Variants in LRRFIP1 observed in about 807,000 individuals in gnomAD.
The protein encoded by LRRFIP1 is leucine-rich repeat flightless-interacting protein 1.
LRRFIP1 carries 62 observed loss-of-function variants against 104.4 expected under a neutral mutation model. That is an observed-to-expected ratio of 0.59 (90% CI 0.48 to 0.73). The LOEUF is 0.73. LRRFIP1 is among the 30% of genes least tolerant of loss of function. The probability of loss-of-function intolerance (pLI) is 0.00; values close to 1 mark genes in which losing one functional copy is unlikely to be tolerated. For synonymous variants in LRRFIP1, 300 were observed against 299.0 expected, an observed-to-expected ratio of 1.00 and a Z score of -0.03; for missense variants, 796 against 824.5, an observed-to-expected ratio of 0.97 and a Z score of 0.42.
rs745930662 is a variant in LRRFIP1, at chr2:237,735,326, C to T, written c.548C>T (p.Ser183Phe). 2.5e-6 allele frequency: 4 copies of T among 1,613,226 alleles called. No individual in the cohort carries two copies. Among genetic ancestry groups the T allele is most frequent in the African/African-American group, 1.3e-5 (1 of 75,050 alleles). ...ACCCGACGGGGCAGCACCTCCGGCT[C>T]CCGTGCTGTAAGGCGCTTTCGGTGA... The part of the protein sequence containing the change: ...GGTRRGSTSG[S>F]RAPSEYSGHL... Residue 183 changes from serine to phenylalanine, a missense_variant, in exon 10 of 24, where the codon TCC (serine) becomes TTC (phenylalanine). Physicochemically the swap from Ser to Phe is radical, Grantham distance 155. Coordinates refer to ENST00000308482, the MANE Select transcript of LRRFIP1 (RefSeq NM_001137550.2). The surrounding 1 kb of genome is among the most constrained non-coding windows in gnomAD (Gnocchi z 4.6).
chr2:237,699,526 A>AT (rs902174819), intron 1 of LRRFIP1, among the ~76,000 whole-genome samples: 6 of 151,758 alleles, frequency 4.0e-5, no homozygotes, highest in African/African-American at 1.2e-4. Context: ...CTAATTTTGT[A>AT]TTTTTAGTAG....
At chr2:237,653,901 G>C (rs529832560) in intron 1 of LRRFIP1, among the ~76,000 whole-genome samples, 106 of 152,270 alleles carry the variant, frequency 7.0e-4, no homozygotes, top group African/African-American at 2.4e-3. Flanking sequence ...TATAAAACTA[G>C]TAGGAGAAAA....
intron 1 of LRRFIP1, among the ~76,000 whole-genome samples, chr2:237,657,206 A>G (rs1002939668): frequency 6.6e-6 from 1 of 152,254 alleles, no homozygotes; most frequent in African/African-American, 2.4e-5. Flanking sequence ...GAAGACAGAA[A>G]TGGGAAACAG....
intron 1 of LRRFIP1, among the ~76,000 whole-genome samples, chr2:237,702,634 T>G (rs1160895736): frequency 6.6e-6 from 1 of 152,222 alleles, no homozygotes; most frequent in African/African-American, 2.4e-5. Flanking sequence ...GTTTTGGTTT[T>G]GGGGCTCTTC....
At chr2:237,771,406 G>A (rs936622786) in intron 20 of LRRFIP1, among the ~76,000 whole-genome samples, 1 of 152,050 alleles carries the variant, frequency 6.6e-6, no homozygotes, top group Non-Finnish European at 1.5e-5. Flanking sequence ...AATGAAGTGA[G>A]TTGTAGGCGT....
chr2:237,728,002 A>G, intron 8 of LRRFIP1, 67 bp downstream of exon 8: 1 of 1,129,036 alleles, frequency 8.9e-7, no homozygotes, highest in Non-Finnish European at 1.3e-6. Flanking sequence ...AGAACTAAAA[A>G]CTAATTGCTA....
chr2:237,682,506 T>A (rs1262779255), intron 1 of LRRFIP1, among the ~76,000 whole-genome samples: 1 of 152,228 alleles, frequency 6.6e-6, no homozygotes. Flanking sequence ...ATTCTCTGTG[T>A]AGGGGTGCAG....
At position 237,723,572 on chromosome 2, in the gene LRRFIP1, G is replaced by T; in HGVS notation, c.370G>T (p.Gly124Cys). 6.2e-7 allele frequency: 1 copy of T among 1,613,874 alleles called. No individual in the cohort carries two copies. The highest frequency in any genetic ancestry group is 8.5e-7 in the Non-Finnish European group (1 of 1,179,840). ...GTCGCAGCCTGACTTGGAGTATGGG[G>T]GTCCTTACGCCTGGGTGAGATGGTC... The part of the protein sequence containing the change: ...LRSQPDLEYG[G>C]PYAWTNGYDG... Residue 124 changes from glycine to cysteine, a missense_variant, in exon 7 of 24, where the codon GGT becomes TGT. Coordinates refer to ENST00000308482, the MANE Select transcript of LRRFIP1 (RefSeq NM_001137550.2).
intron 10 of LRRFIP1, among the ~76,000 whole-genome samples, chr2:237,737,821 A>C (rs891504433): frequency 1.3e-5 from 2 of 152,258 alleles, no homozygotes; most frequent in African/African-American, 4.8e-5. Flanking sequence ...TGTACACAGC[A>C]GTATTAATCT....
At chr2:237,771,566 G>T (rs56281479) in intron 20 of LRRFIP1, among the ~76,000 whole-genome samples, 1 of 57,212 alleles carries the variant, frequency 1.7e-5, no homozygotes, top group Non-Finnish European at 2.9e-5. Flanking sequence ...CCCCCCCCCC[G>T]CCCAGATACC....
chr2:237,687,522 T>C (rs754446176), intron 1 of LRRFIP1, among the ~76,000 whole-genome samples: 3 of 150,098 alleles, frequency 2.0e-5, no homozygotes, highest in Non-Finnish European at 4.4e-5. Flanking sequence ...GAGAATTGCT[T>C]GAGCCTGGGA....
chr2:237,720,088 A>T (rs570586964), intron 5 of LRRFIP1, among the ~76,000 whole-genome samples: 5 of 151,750 alleles, frequency 3.3e-5, no homozygotes, highest in Non-Finnish European at 7.4e-5. Flanking sequence ...CTGGGACTAC[A>T]GGCGCCTGCC....
intron 11 of LRRFIP1, among the ~76,000 whole-genome samples, chr2:237,746,427 G>GC (rs2057865879): frequency 6.6e-6 from 1 of 152,148 alleles, no homozygotes. Context: ...AACCACACTT[G>GC]AATTGCTCCA....
intron 1 of LRRFIP1, among the ~76,000 whole-genome samples, chr2:237,648,991 C>G (rs2085434746): frequency 2.0e-5 from 3 of 151,900 alleles, no homozygotes; most frequent in African/African-American, 7.2e-5. Flanking sequence ...TGAAGGAGTT[C>G]CAGAAACAGG....
intron 1 of LRRFIP1, among the ~76,000 whole-genome samples, chr2:237,693,999 A>G (rs942235850): frequency 1.3e-5 from 2 of 152,196 alleles, no homozygotes; most frequent in African/African-American, 4.8e-5. Flanking sequence ...GCCCAGGCCC[A>G]CTGTCCCTCA....
chr2:237,684,777 T>C (rs2092200353), intron 1 of LRRFIP1, among the ~76,000 whole-genome samples: 1 of 152,104 alleles, frequency 6.6e-6, no homozygotes, highest in South Asian at 2.1e-4. Flanking sequence ...ATATTTGCAG[T>C]GCATTGTCTT....
intron 23 of LRRFIP1, among the ~76,000 whole-genome samples, chr2:237,776,633 G>A (rs2061119134): frequency 6.6e-6 from 1 of 152,118 alleles, no homozygotes; most frequent in Non-Finnish European, 1.5e-5. Flanking sequence ...TTCTTGATGA[G>A]TTAAACCTTT....
At chr2:237,681,377 T>C (rs950639868) in intron 1 of LRRFIP1, among the ~76,000 whole-genome samples, 10 of 152,162 alleles carry the variant, frequency 6.6e-5, no homozygotes, top group African/African-American at 2.4e-4. Context: ...TTCTTTTTTT[T>C]CTTTTTTGAG....
chr2:237,761,391 T>G (rs527371649), intron 19 of LRRFIP1, among the ~76,000 whole-genome samples: 4 of 152,352 alleles, frequency 2.6e-5, no homozygotes, highest in African/African-American at 9.6e-5. Context: ...ATACCGTTGT[T>G]GAGAAAAGAT....
Sources: gnomAD v4.1 joint callset for allele counts (sites outside exome capture counted in the v4.1 genomes callset) on GRCh38, gnomAD v4.1.1 for gene constraint, Gnocchi (gnomAD v3.1) non-coding constraint, MANE v1.5 for transcripts, NCBI Gene and HGNC (gene_info 2026-07-23, HGNC 2026-07-21) for gene names.